Variants in LRP1B observed in about 807,000 individuals in gnomAD.
LRP1B encodes the protein LDL receptor related protein 1B, also known as low-density lipoprotein receptor-related protein 1B.
Under a neutral mutation model 556.6 loss-of-function variants are expected in LRP1B, and 217 were observed. That is an observed-to-expected ratio of 0.39 (90% CI 0.35 to 0.44). The LOEUF is 0.44. Among genes scored for constraint, LRP1B ranks in the 20% least tolerant of loss-of-function variants. LRP1B has a pLI of 1.00. For missense variants in LRP1B, 5,053 were observed against 5,620.8 expected (o/e 0.90, Z 3.23); for synonymous variants, 2,047 against 1,865.8 (o/e 1.10, Z -2.50).
intron 7 of LRP1B, among the ~76,000 whole-genome samples, chr2:141,067,027 G>A (rs1435588665): frequency 6.6e-6 from 1 of 151,840 alleles, no homozygotes; most frequent in Non-Finnish European, 1.5e-5. Flanking sequence ...TCCTCAGAAA[G>A]GTTTGCATTA....
Position 140,994,276 on chromosome 2 carries a change from A to G in LRP1B, c.2504-141T>C, listed in dbSNP as rs1034973754. 2.3e-5 allele frequency: 16 copies of G among 690,664 alleles called. No homozygotes were observed. The African/African-American group carries it at 2.7e-4, about 12-fold the overall frequency. 42.8% of individuals were successfully genotyped at this position (690,664 alleles called of 1,614,324 possible). ...GTATTTGTCCTTCTCTGTCTACCTT[A>G]TTTTACTGAGCACAATGTCATCCAG... On this transcript the variant is annotated intron_variant, in intron 15 of 90. Transcript: ENST00000389484.
chr2:140,596,862 A>T (rs1682462898), intron 43 of LRP1B, among the ~76,000 whole-genome samples: 1 of 152,148 alleles, frequency 6.6e-6, no homozygotes, highest in Non-Finnish European at 1.5e-5. Flanking sequence ...GGGGAGGGCT[A>T]TAAAAACATG....
intron 7 of LRP1B, among the ~76,000 whole-genome samples, chr2:141,079,819 G>A (rs1355748417): frequency 6.6e-6 from 1 of 152,174 alleles, no homozygotes; most frequent in African/African-American, 2.4e-5. Flanking sequence ...TGGTGCAAAA[G>A]TAATTGTGGT....
At chr2:140,541,727 A>T (rs2105019395) in intron 44 of LRP1B, 52 bp downstream of exon 44, 1 of 1,316,222 alleles carries the variant, frequency 7.6e-7, no homozygotes, top group Non-Finnish European at 1.0e-6. Flanking sequence ...ACATTTTTAG[A>T]GATCAGAGAT....
In LRP1B at chr2:140,256,402, T is replaced by G. The variant is rs868701615; in HGVS notation, c.13248-9240A>C. On this transcript the variant is annotated intron_variant, in intron 86 of 90. Coordinates refer to ENST00000389484, the MANE Select transcript of LRP1B (RefSeq NM_018557.3). Reference sequence around the variant, plus strand: ...TCTCTCTTCTTTTACAGTTTTAATTTTTCTATTTTGTATGGTTTTATGGTT... The same window carrying G: ...TCTCTCTTCTTTTACAGTTTTAATTGTTCTATTTTGTATGGTTTTATGGTT... Among the ~76,000 whole-genome samples the G allele has an allele frequency of 3.3e-5, 5 of 151,044 alleles. No homozygotes were observed. The South Asian group carries it at 1.0e-3, about 31-fold the overall frequency.
rs149169898 is a variant in LRP1B, at chr2:140,234,834, C to A, written c.13611G>T (p.Ala4537=). 1.3e-6 allele frequency: 1 copy of A among 775,676 alleles called. No homozygotes were observed. Among genetic ancestry groups the A allele is most frequent in the Non-Finnish European group, 2.4e-6 (1 of 414,834 alleles). 48.0% of individuals were successfully genotyped at this position (775,676 alleles called of 1,614,324 possible). A position where few individuals can be genotyped will look rare whatever the true frequency, so the allele number is the denominator to read the frequency against. ...GPSAFKLPHT[A]PPIYLNSDLK... ...AATCAGAGTTTAGGTAGATGGGCGG[C>A]GCTGTGTGTGGAAGCTTGAAAGCAC... The change falls in exon 90 of 91, where the codon GCG becomes GCT. Residue 4537 remains alanine (A), a synonymous_variant. Coordinates refer to ENST00000389484, the MANE Select transcript of LRP1B (RefSeq NM_018557.3).
At chr2:140,652,342 A>C (rs1684718922) in intron 41 of LRP1B, among the ~76,000 whole-genome samples, 1 of 152,138 alleles carries the variant, frequency 6.6e-6, no homozygotes, top group Non-Finnish European at 1.5e-5. Flanking sequence ...TAAAATGACT[A>C]AATACACTAG....
chr2:141,643,311 T>C (rs918142424), intron 2 of LRP1B, among the ~76,000 whole-genome samples: 3 of 152,146 alleles, frequency 2.0e-5, no homozygotes, highest in Admixed American at 1.3e-4. Context: ...GAAAATTGTA[T>C]TTCGCCAGGA....
At chr2:140,718,503 G>A (rs946142073) in intron 35 of LRP1B, among the ~76,000 whole-genome samples, 4 of 151,780 alleles carry the variant, frequency 2.6e-5, no homozygotes, top group Non-Finnish European at 4.4e-5. Flanking sequence ...CTTCTAATTT[G>A]TTGCCTAGCT....
intron 28 of LRP1B, 126 bp downstream of exon 28, chr2:140,851,526 T>G: frequency 9.6e-7 from 1 of 1,039,384 alleles, no homozygotes. Context: ...CACCACCACC[T>G]AAAATATTTT....
chr2:141,513,141 A>T (rs1684190971), intron 2 of LRP1B, among the ~76,000 whole-genome samples: 1 of 152,178 alleles, frequency 6.6e-6, no homozygotes, highest in Non-Finnish European at 1.5e-5. Context: ...TCTTTTAAAA[A>T]GAATGTTAAT....
At chr2:141,096,631 A>G (rs868058751) in intron 7 of LRP1B, among the ~76,000 whole-genome samples, 16 of 25,274 alleles carry the variant, frequency 6.3e-4, no homozygotes, top group East Asian at 3.4e-3. Flanking sequence ...GGAGAGGGGG[A>G]GAGAGAGAGA....
chr2:140,345,490 AT>A (rs929537065), intron 77 of LRP1B, among the ~76,000 whole-genome samples: 1 of 151,182 alleles, frequency 6.6e-6, no homozygotes, highest in Non-Finnish European at 1.5e-5. Flanking sequence ...CCTTGTCAGC[AT>A]TTTAATTTTG....
chr2:141,361,919 T>G (rs75274931), intron 3 of LRP1B, among the ~76,000 whole-genome samples: 6,759 of 152,268 alleles, frequency 0.044, 236 homozygotes, highest in African/African-American at 0.082. Flanking sequence ...CACTATCCTT[T>G]CACTCATTCT....
rs572322607 is a variant in LRP1B, at chr2:141,207,445, C to G, written c.851-18862G>C. ...TTCATATGGTAATGAATTATTCTTA[C>G]TGGTTCATATAAGCTGAAATATTCT... On this transcript the variant is annotated intron_variant, in intron 6 of 90. Coordinates refer to ENST00000389484, the MANE Select transcript of LRP1B (RefSeq NM_018557.3). 2.2e-3 allele frequency among the ~76,000 whole-genome samples: 338 copies of G among 152,212 alleles called. 1 individual carries two copies. The Middle Eastern group carries it at 0.024, about 11-fold the overall frequency.
intron 3 of LRP1B, among the ~76,000 whole-genome samples, chr2:141,276,343 ATAGG>A (rs1412960293): frequency 1.3e-5 from 2 of 151,522 alleles, no homozygotes. Context: ...GGTTTGCTAT[ATAGG>A]TAAGTTGTGT....
At chr2:141,244,899 A>G (rs1024052804) in intron 5 of LRP1B, among the ~76,000 whole-genome samples, 2 of 152,128 alleles carry the variant, frequency 1.3e-5, no homozygotes, top group African/African-American at 2.4e-5. Context: ...TCATCAAGCA[A>G]AAGACCTAGA....
chr2:140,649,520 T>C (rs1164750454), intron 41 of LRP1B, among the ~76,000 whole-genome samples: 1 of 152,238 alleles, frequency 6.6e-6, no homozygotes, highest in East Asian at 1.9e-4. Flanking sequence ...TTGAAAGATC[T>C]AGGAAATCAT....
intron 67 of LRP1B, 50 bp from the exon 68 acceptor site, chr2:140,378,336 T>C: frequency 1.0e-6 from 1 of 1,001,294 alleles, no homozygotes; most frequent in African/African-American, 1.6e-5. Context: ...GTAAGTGCAT[T>C]GTAAAATTTA....
Sources: allele counts gnomAD v4.1 joint callset (sites outside exome capture counted in the v4.1 genomes callset), GRCh38; gene constraint gnomAD v4.1.1; transcripts MANE v1.5; gene names NCBI Gene and HGNC (gene_info 2026-07-23, HGNC 2026-07-21).